VAC14: variants seen among roughly 807,000 people sequenced by gnomAD.
The protein encoded by VAC14 is VAC14 component of PIKFYVE complex.
Under a neutral mutation model 85.3 loss-of-function variants are expected in VAC14, and 47 were observed. That is an observed-to-expected ratio of 0.55 (90% confidence interval 0.44 to 0.70). VAC14 has a LOEUF of 0.70. Ranked by LOEUF, VAC14 falls within the 30% of genes least tolerant of loss-of-function variation. The pLI is 0.00. For missense variants in VAC14, 861 were observed against 1,004.3 expected (o/e 0.86, Z 1.93); for synonymous variants, 447 against 430.5 (o/e 1.04, Z -0.47).
intron 13 of VAC14, among the ~76,000 whole-genome samples, chr16:70,743,172 G>A (rs2030523917): frequency 6.6e-6 from 1 of 151,808 alleles, no homozygotes; most frequent in Admixed American, 6.6e-5. Flanking sequence ...GCACCAATCA[G>A]CACTGTGTGT....
intron 14 of VAC14, among the ~76,000 whole-genome samples, chr16:70,705,303 T>C (rs919971146): frequency 2.0e-5 from 3 of 152,204 alleles, no homozygotes; most frequent in Non-Finnish European, 2.9e-5. Context: ...GGGGGTGTTT[T>C]GGGTGAGTGT....
At chr16:70,722,797 T>C (rs950622201) in intron 14 of VAC14, among the ~76,000 whole-genome samples, 2 of 152,156 alleles carry the variant, frequency 1.3e-5, no homozygotes, top group African/African-American at 4.8e-5. Flanking sequence ...TTAATGATAC[T>C]GACTGACTGC....
chr16:70,748,054 T>A (rs1216252935), intron 12 of VAC14: 1 of 152,170 alleles, frequency 6.6e-6, no homozygotes, highest in African/African-American at 2.4e-5. Context: ...CCTCACAGGA[T>A]ACACACAAGG....
intron 13 of VAC14, among the ~76,000 whole-genome samples, chr16:70,733,981 C>G (rs1382456054): frequency 6.6e-6 from 1 of 152,070 alleles, no homozygotes; most frequent in Non-Finnish European, 1.5e-5. Flanking sequence ...TGCCACCAGA[C>G]CTGACTAATT....
At chr16:70,696,386 G>A (rs762789644) in intron 16 of VAC14, among the ~76,000 whole-genome samples, 48 of 152,104 alleles carry the variant, frequency 3.2e-4, no homozygotes, top group Admixed American at 2.1e-3. Context: ...GGTGGTGAAC[G>A]CCTGTAATCC....
At chr16:70,767,630 C>T (rs878951217) in intron 10 of VAC14, among the ~76,000 whole-genome samples, 6 of 152,184 alleles carry the variant, frequency 3.9e-5, no homozygotes, top group Admixed American at 1.3e-4. Context: ...AAAAGTGGAA[C>T]TCTCCAACTG....
At chr16:70,741,426 C>T (rs2030293370) in intron 13 of VAC14, among the ~76,000 whole-genome samples, 1 of 152,264 alleles carries the variant, frequency 6.6e-6, no homozygotes, top group Non-Finnish European at 1.5e-5. Context: ...TCTGGCTCCC[C>T]TGGCTGTTCT....
intron 14 of VAC14, chr16:70,715,234 C>G (rs939688938): frequency 6.6e-6 from 1 of 152,276 alleles, no homozygotes; most frequent in African/African-American, 2.4e-5. Context: ...CCGACCAGTT[C>G]CTACTCATCT....
At chr16:70,745,260 G>C (rs541008363) in intron 12 of VAC14, among the ~76,000 whole-genome samples, 1 of 152,342 alleles carries the variant, frequency 6.6e-6, no homozygotes, top group South Asian at 2.1e-4. Context: ...GGCAGAGTGG[G>C]GCGTGGGACC....
intron 14 of VAC14, among the ~76,000 whole-genome samples, chr16:70,725,166 A>AAGG (rs1299501577): frequency 1.9e-3 from 297 of 152,340 alleles, no homozygotes; most frequent in African/African-American, 6.5e-3. Flanking sequence ...GGCCCGGCCA[A>AAGG]TGCCTCCAGG....
chr16:70,691,262 C>T (rs2053590318), intron 18 of VAC14: 3 of 985,282 alleles, frequency 3.0e-6, no homozygotes, highest in East Asian at 1.1e-4. Context: ...GGGCTGGCTC[C>T]CTGGCCAGGA....
In VAC14 at chr16:70,783,298, C is replaced by A. The variant is rs969007730; in HGVS notation, c.704+147G>T. ...TTCAGATGCTGGGGGTTGATGGGCT[C>A]TTGGCTCCTCAAAGCGGGAAGCACA... On this transcript the variant is annotated intron_variant, in intron 6 of 18. Transcript: ENST00000261776. The A allele has an allele frequency of 3.9e-6, 4 of 1,028,680 alleles. No individual in the cohort carries two copies. In the East Asian group the frequency reaches 9.7e-5, roughly 25 times the overall value. The allele number at this position is 1,028,680 out of a possible 1,614,324, so 63.7% of individuals were successfully genotyped here.
intron 10 of VAC14, 145 bp from the exon 11 acceptor site, chr16:70,763,170 G>T: frequency 8.4e-7 from 1 of 1,195,546 alleles, no homozygotes; most frequent in Non-Finnish European, 1.2e-6. Context: ...GGGATAACCT[G>T]ATCCCACACA....
At chr16:70,744,667 A>G (rs980451524) in intron 12 of VAC14, 88 bp from the exon 13 acceptor site, 1 of 1,469,174 alleles carries the variant, frequency 6.8e-7, no homozygotes, top group East Asian at 2.4e-5. Flanking sequence ...GCACACAGCC[A>G]CCTGCAGGGG....
intron 13 of VAC14, among the ~76,000 whole-genome samples, chr16:70,743,357 A>T (rs1485519335): frequency 6.6e-6 from 1 of 152,232 alleles, no homozygotes; most frequent in African/African-American, 2.4e-5. Context: ...AGGGAATAAA[A>T]GCTGGCCACC....
chr16:70,688,556 C>T (rs2053542145), intron 18 of VAC14: 6 of 985,840 alleles, frequency 6.1e-6, no homozygotes, highest in Non-Finnish European at 7.2e-6. Context: ...TCTGCCGGGC[C>T]CTCCACTTGG....
intron 18 of VAC14, chr16:70,690,107 G>A (rs1045289573): frequency 8.1e-6 from 8 of 985,548 alleles, no homozygotes; most frequent in African/African-American, 7.0e-5. Flanking sequence ...TGGCAAACCC[G>A]GGAAGATGGC....
chr16:70,785,637 CAGA>C (rs2034012864), intron 3 of VAC14, 62 bp downstream of exon 3: 15 of 1,486,868 alleles, frequency 1.0e-5, no homozygotes, highest in Non-Finnish European at 1.3e-5. Flanking sequence ...TCCAAGGTTC[CAGA>C]AGGTCAAGTG....
chr16:70,800,999 G>A lies in VAC14; in HGVS notation c.-99C>T. On this transcript the variant is annotated 5_prime_UTR_variant, in exon 1 of 19. Coordinates refer to ENST00000261776, the MANE Select transcript of VAC14 (RefSeq NM_018052.5). The stretch of plus-strand genomic sequence containing the variant: ...CGGCTCCGCTCTGCCCCCGGCGCCG[G>A]CGCATGGACCACGCCGCTCTAGGCT... The A allele has an allele frequency of 1.3e-6, 1 of 776,020 alleles. No individual in the cohort carries two copies. The highest frequency in any genetic ancestry group is 1.9e-6 in the Non-Finnish European group (1 of 528,226). 48.1% of individuals were successfully genotyped at this position (776,020 alleles called of 1,614,324 possible).
Sources: allele counts gnomAD v4.1 joint callset (sites outside exome capture counted in the v4.1 genomes callset), GRCh38; gene constraint gnomAD v4.1.1; transcripts MANE v1.5; gene names NCBI Gene and HGNC (gene_info 2026-07-23, HGNC 2026-07-21).